The following RGS17 variants were observed in gnomAD, a reference collection of about 807,000 sequenced individuals.
RGS17 encodes regulator of G protein signaling 17.
Under a neutral mutation model 25.5 loss-of-function variants are expected in RGS17, and 12 were observed. The ratio of observed to expected loss-of-function variants is 0.47; its 90% confidence interval spans 0.30 to 0.76. The LOEUF (loss-of-function observed/expected upper bound fraction) is 0.76. Ranked by LOEUF, RGS17 falls within the 30% of genes least tolerant of loss-of-function variation. The pLI is 0.07. For synonymous variants in RGS17, 71 were observed against 76.9 expected, an observed-to-expected ratio of 0.92 and a Z score of 0.40; for missense variants, 196 against 242.2, an observed-to-expected ratio of 0.81 and a Z score of 1.27.
In RGS17 at chr6:153,011,180, T is replaced by C. The variant is rs1779128526; in HGVS notation, c.*394A>G. On this transcript the variant is annotated 3_prime_UTR_variant, in exon 5 of 5. Coordinates refer to ENST00000206262, the MANE Select transcript of RGS17 (RefSeq NM_012419.5). ...TTGGCAATTATTTCTTAAGACCATA[T>C]TGCACAAAAGTCCTTAAATACAGAT... The C allele has an allele frequency of 6.2e-6, 1 of 160,692 alleles. No homozygotes were observed. The highest frequency in any genetic ancestry group is 2.4e-5 in the African/African-American group (1 of 41,580). 10.0% of individuals were successfully genotyped at this position (160,692 alleles called of 1,614,324 possible). A position where few individuals can be genotyped will look rare whatever the true frequency, so the allele number is the denominator to read the frequency against.
intron 1 of RGS17, among the ~76,000 whole-genome samples, chr6:153,086,012 G>A (rs985950412): frequency 1.3e-5 from 2 of 152,180 alleles, no homozygotes; most frequent in Non-Finnish European, 2.9e-5. Flanking sequence ...GTGTATGTCT[G>A]AGAGACAGAC....
intron 2 of RGS17, among the ~76,000 whole-genome samples, chr6:153,036,467 A>G (rs1424643745): frequency 6.6e-6 from 1 of 152,010 alleles, no homozygotes; most frequent in African/African-American, 2.4e-5. Flanking sequence ...TTCTGTCTGT[A>G]GCTCCCTGCT....
chr6:153,023,940 G>A (rs763748266), intron 4 of RGS17, among the ~76,000 whole-genome samples: 5 of 152,236 alleles, frequency 3.3e-5, no homozygotes, highest in South Asian at 2.1e-4. Flanking sequence ...CATGCTTTGC[G>A]AAATACCACC....
chr6:153,048,834 T>C (rs1776419307), intron 1 of RGS17, among the ~76,000 whole-genome samples: 1 of 152,164 alleles, frequency 6.6e-6, no homozygotes, highest in Admixed American at 6.5e-5. Context: ...ATATAATGTA[T>C]CATCACTAGT....
chr6:153,020,184 C>T (rs1779234620), intron 4 of RGS17, among the ~76,000 whole-genome samples: 5 of 111,408 alleles, frequency 4.5e-5, no homozygotes, highest in Admixed American at 3.6e-4. Context: ...GACAGAGTCT[C>T]GCACTTTTGC....
chr6:153,107,868 C>T (rs1777407952), intron 1 of RGS17, among the ~76,000 whole-genome samples: 1 of 152,134 alleles, frequency 6.6e-6, no homozygotes, highest in African/African-American at 2.4e-5. Flanking sequence ...CAATCAAATC[C>T]CTAACAGCTC....
intron 1 of RGS17, among the ~76,000 whole-genome samples, chr6:153,076,604 G>A (rs982611452): frequency 5.3e-5 from 8 of 152,094 alleles, no homozygotes; most frequent in African/African-American, 1.9e-4. Flanking sequence ...GTGAGCCAAG[G>A]GCATCTTGTG....
chr6:153,130,122 C>T lies in RGS17; in HGVS notation c.-26+1002G>A, dbSNP rs1777764458. Among the ~76,000 whole-genome samples the T allele has an allele frequency of 6.6e-6, 1 of 152,184 alleles. No homozygotes were observed. Among genetic ancestry groups the T allele is most frequent in the African/African-American group, 2.4e-5 (1 of 41,456 alleles). ...GAGTCCAGCTCTGTCCCTCCGCCATCCCCTAGTCCTCCGGCATTTATTCAG... is the reference window on the plus strand; with the variant it reads ...GAGTCCAGCTCTGTCCCTCCGCCATTCCCTAGTCCTCCGGCATTTATTCAG... On this transcript the variant is annotated intron_variant, in intron 1 of 4. Coordinates refer to ENST00000206262, the MANE Select transcript of RGS17 (RefSeq NM_012419.5). This position sits in a 1 kb window ranked among gnomAD's most constrained non-coding sequence, Gnocchi z 6.4.
intron 2 of RGS17, among the ~76,000 whole-genome samples, chr6:153,033,786 T>C (rs2129108369): frequency 6.6e-6 from 1 of 152,248 alleles, no homozygotes; most frequent in Non-Finnish European, 1.5e-5. Flanking sequence ...CAGAATCTTC[T>C]ATACCTCAGT....
At chr6:153,057,255 C>A (rs896296035) in intron 1 of RGS17, among the ~76,000 whole-genome samples, 1 of 151,986 alleles carries the variant, frequency 6.6e-6, no homozygotes, top group Non-Finnish European at 1.5e-5. Flanking sequence ...GCTCCTCCAT[C>A]TTTCTTAATG....
intron 1 of RGS17, among the ~76,000 whole-genome samples, chr6:153,064,966 C>G (rs187281191): frequency 2.6e-5 from 4 of 151,996 alleles, no homozygotes; most frequent in Non-Finnish European, 5.9e-5. Flanking sequence ...ATAATAACAT[C>G]GAATGTAAAG....
chr6:153,012,004 T>A (rs3757062), intron 4 of RGS17, among the ~76,000 whole-genome samples: 18,772 of 152,156 alleles, frequency 0.12, 1,193 homozygotes, highest in South Asian at 0.21. Flanking sequence ...TGTCTTTGCT[T>A]ACTTGGTTTT....
rs1562313005 is a variant in RGS17, at chr6:153,020,128, ATATATATATAT to A, written c.444+4123_444+4133del. ...AAAAAAAAAATATATATATATATAT[ATATATATATAT>A]TTTTTTTTTTTTTTTTTTTTTTTTT... On this transcript the variant is annotated intron_variant, in intron 4 of 4. Coordinates refer to ENST00000206262, the MANE Select transcript of RGS17 (RefSeq NM_012419.5). Among the ~76,000 whole-genome samples, 347 of 93,128 alleles carry A rather than the reference ATATATATATAT, an allele frequency of 3.7e-3. 6 individuals carry two copies. Among genetic ancestry groups the A allele is most frequent in the African/African-American group, 0.014 (338 of 23,588 alleles). The allele number at this position is 93,128 out of a possible 152,430, so 61.1% of individuals were successfully genotyped here.
intron 2 of RGS17, among the ~76,000 whole-genome samples, 197 bp downstream of exon 2, chr6:153,043,701 GAT>G (rs1194075607): frequency 6.6e-6 from 1 of 151,986 alleles, no homozygotes; most frequent in Non-Finnish European, 1.5e-5. Flanking sequence ...TTTAAATGTA[GAT>G]TTTGGGGAAA....
intron 1 of RGS17, among the ~76,000 whole-genome samples, chr6:153,069,739 C>CGTGTGTGTGTGTGTGT (rs60117149): frequency 2.6e-4 from 37 of 141,044 alleles, no homozygotes; most frequent in African/African-American, 8.1e-4. Context: ...ATATACACCT[C>CGTGTGTGTGTGTGTGT]GTGTGTGTGT....
intron 1 of RGS17, among the ~76,000 whole-genome samples, chr6:153,071,795 T>C (rs563244247): frequency 9.9e-5 from 15 of 152,270 alleles, no homozygotes; most frequent in African/African-American, 3.4e-4. Flanking sequence ...ACTAGCATTG[T>C]TAGGGATAAT....
At chr6:153,065,969 T>A (rs1456927568) in intron 1 of RGS17, among the ~76,000 whole-genome samples, 5 of 150,772 alleles carry the variant, frequency 3.3e-5, no homozygotes, top group Admixed American at 3.3e-4. Flanking sequence ...AGGAAAACAA[T>A]AAAAAAAGAT....
At chr6:153,045,064 T>C (rs990733923) in intron 1 of RGS17, among the ~76,000 whole-genome samples, 12 of 152,212 alleles carry the variant, frequency 7.9e-5, no homozygotes, top group African/African-American at 2.9e-4. Flanking sequence ...TATTTTGGCA[T>C]TATGAGCTAT....
Position 153,005,777 on chromosome 6 carries a change from A to C in RGS17, c.*5797T>G, listed in dbSNP as rs1779068973. On this transcript the variant is annotated 3_prime_UTR_variant, in exon 5 of 5. Transcript: ENST00000206262. The stretch of plus-strand genomic sequence containing the variant: ...TGCAGAAACTGTCACAGCCAAGGGA[A>C]GCCTAAGGAAACATGACAACTAAAT... The C allele has an allele frequency of 6.6e-6, 1 of 152,344 alleles. No individual in the cohort carries two copies. Among genetic ancestry groups the C allele is most frequent in the Admixed American group, 6.5e-5 (1 of 15,286 alleles). 9.4% of individuals were successfully genotyped at this position (152,344 alleles called of 1,614,324 possible). A position where few individuals can be genotyped will look rare whatever the true frequency, so the allele number is the denominator to read the frequency against.
Sources: gnomAD v4.1 joint callset for allele counts (sites outside exome capture counted in the v4.1 genomes callset) on GRCh38, gnomAD v4.1.1 for gene constraint, Gnocchi (gnomAD v3.1) non-coding constraint, MANE v1.5 for transcripts, NCBI Gene and HGNC (gene_info 2026-07-23, HGNC 2026-07-21) for gene names.